BAIAP2L1: variants seen among roughly 807,000 people sequenced by gnomAD.
BAIAP2L1 encodes the protein BAR/IMD domain-containing adapter protein 2-like 1.
A neutral mutation model predicts 66.3 loss-of-function variants in BAIAP2L1; 35 were observed. The ratio of observed to expected loss-of-function variants is 0.53; its 90% CI spans 0.40 to 0.70. BAIAP2L1 has a LOEUF of 0.70. BAIAP2L1 is among the 30% of genes least tolerant of loss of function. The pLI, the probability that BAIAP2L1 is intolerant of heterozygous loss-of-function variation, is 0.00. For synonymous variants in BAIAP2L1, 269 were observed against 248.7 expected, an observed-to-expected ratio of 1.08 and a Z score of -0.77; for missense variants, 622 against 656.9, an observed-to-expected ratio of 0.95 and a Z score of 0.58.
chr7:98,385,844 T>C, intron 1 of BAIAP2L1: 1 of 1,521,188 alleles, frequency 6.6e-7, no homozygotes, highest in Non-Finnish European at 9.0e-7. Context: ...CGTTCAACTT[T>C]AGCACCTGTC....
At chr7:98,303,635 G>A (rs990608214) in intron 12 of BAIAP2L1, among the ~76,000 whole-genome samples, 1 of 152,222 alleles carries the variant, frequency 6.6e-6, no homozygotes, top group Non-Finnish European at 1.5e-5. Context: ...CCTCTGTGCG[G>A]TGGCGGGAAT....
Position 98,294,125 on chromosome 7 carries a change from A to G in BAIAP2L1, c.1423-14T>C, listed in dbSNP as rs200251950. On this transcript the variant is annotated splice_polypyrimidine_tract_variant and intron_variant, in intron 12 of 13. Coordinates refer to ENST00000005260, the MANE Select transcript of BAIAP2L1 (RefSeq NM_018842.5). Reference sequence around the variant, plus strand: ...GTTGGCATCGTTCTGTGAGAAAGATAAAGAAGTTTATGGAGGGCTTAGAAT... The same window carrying G: ...GTTGGCATCGTTCTGTGAGAAAGATGAAGAAGTTTATGGAGGGCTTAGAAT... 2.5e-5 allele frequency: 40 copies of G among 1,613,136 alleles called. No homozygotes were observed. The East Asian group carries it at 8.0e-4, about 32-fold the overall frequency.
chr7:98,391,771 T>G (rs1803051494), intron 1 of BAIAP2L1, among the ~76,000 whole-genome samples: 1 of 149,676 alleles, frequency 6.7e-6, no homozygotes, highest in African/African-American at 2.5e-5. Flanking sequence ...CCAGAAGGAC[T>G]CAAGGTTAGG....
At chr7:98,383,236 T>G (rs1443584329) in intron 1 of BAIAP2L1, among the ~76,000 whole-genome samples, 2 of 151,390 alleles carry the variant, frequency 1.3e-5, no homozygotes, top group African/African-American at 4.8e-5. Context: ...TCCTTCCTAT[T>G]CTAAGCTGCT....
chr7:98,295,007 G>T (rs1411311060), intron 12 of BAIAP2L1, among the ~76,000 whole-genome samples: 2 of 152,332 alleles, frequency 1.3e-5, no homozygotes, highest in East Asian at 3.9e-4. Flanking sequence ...CCCAGGAGAG[G>T]GCAGTGTAAC....
chr7:98,348,252 G>C (rs929388276), intron 3 of BAIAP2L1, among the ~76,000 whole-genome samples: 3 of 152,102 alleles, frequency 2.0e-5, no homozygotes, highest in Non-Finnish European at 4.4e-5. Flanking sequence ...TTGAACAACT[G>C]GTTCATGAAT....
chr7:98,385,965 A>G (rs1035095586), intron 1 of BAIAP2L1: 11 of 1,486,816 alleles, frequency 7.4e-6, no homozygotes, highest in Non-Finnish European at 1.0e-5. Context: ...CGAAGACATC[A>G]TGGAGAGGAT....
intron 3 of BAIAP2L1, among the ~76,000 whole-genome samples, chr7:98,327,089 G>A (rs148484345): frequency 0.02 from 2,999 of 152,248 alleles, 104 homozygotes; most frequent in African/African-American, 0.069. Flanking sequence ...GGCCAGGCGC[G>A]GTGGCTCATG....
At chr7:98,341,547 C>G (rs1369611221) in intron 3 of BAIAP2L1, among the ~76,000 whole-genome samples, 1 of 152,054 alleles carries the variant, frequency 6.6e-6, no homozygotes, top group Non-Finnish European at 1.5e-5. Flanking sequence ...TTTAAAAAAG[C>G]ACATCTTTTG....
rs572530322 is a variant in BAIAP2L1, at chr7:98,330,154, G to A, written c.215-9856C>T. Among the ~76,000 whole-genome samples, 4 of 152,182 alleles carry A rather than the reference G, an allele frequency of 2.6e-5. No individual in the cohort carries two copies. The South Asian group carries it at 8.3e-4, about 32-fold the overall frequency. On this transcript the variant is annotated intron_variant, in intron 3 of 13. Transcript: ENST00000005260. ...TAAAAGCAGCAAACATTACAGGCATGCTAAGAAAAAAAACCAGATTCAGAT... is the reference window on the plus strand; with the variant it reads ...TAAAAGCAGCAAACATTACAGGCATACTAAGAAAAAAAACCAGATTCAGAT...
rs537853800 is a variant in BAIAP2L1, at chr7:98,311,976, G to A, written c.807+121C>T. The A allele has an allele frequency of 5.2e-5, 54 of 1,041,278 alleles. No individual in the cohort carries two copies. The East Asian group carries it at 1.1e-3, about 20-fold the overall frequency. The allele number at this position is 1,041,278 out of a possible 1,614,324, so 64.5% of individuals were successfully genotyped here. A position where few individuals can be genotyped will look rare whatever the true frequency, so the allele number is the denominator to read the frequency against. ...CCTAAAGGTAAGGGGATAGAGGTGC[G>A]AAAAGGTGGTCCTGGAAGTAATAAA... On this transcript the variant is annotated intron_variant, in intron 8 of 13. Transcript: ENST00000005260.
intron 1 of BAIAP2L1, among the ~76,000 whole-genome samples, chr7:98,364,772 C>T (rs1239562961): frequency 6.6e-6 from 1 of 151,600 alleles, no homozygotes; most frequent in East Asian, 1.9e-4. Context: ...ACCACTTGAG[C>T]CCAGGAGTTT....
In BAIAP2L1 at chr7:98,315,614, TAAAA is replaced by T; in HGVS notation, c.487-6_487-3del. The T allele has an allele frequency of 7.8e-6, 6 of 772,408 alleles. No homozygotes were observed. The highest frequency in any genetic ancestry group is 2.0e-5 in the African/African-American group (1 of 51,186). 47.8% of individuals were successfully genotyped at this position (772,408 alleles called of 1,614,324 possible). A position where few individuals can be genotyped will look rare whatever the true frequency, so the allele number is the denominator to read the frequency against. ...ACGAGAAGTAACGGTCTCCACATACTAAAAAAAAAAAAATAATAATAATAATAAT... is the reference window on the plus strand; with the variant it reads ...ACGAGAAGTAACGGTCTCCACATACTAAAAAAAAATAATAATAATAATAAT... On this transcript the variant is annotated splice_polypyrimidine_tract_variant and splice_region_variant and intron_variant, in intron 6 of 13. Coordinates refer to ENST00000005260, the MANE Select transcript of BAIAP2L1 (RefSeq NM_018842.5).
chr7:98,345,155 A>G lies in BAIAP2L1; in HGVS notation c.214+9887T>C, dbSNP rs572574296. Among the ~76,000 whole-genome samples, 14 of 152,292 alleles carry G rather than the reference A, an allele frequency of 9.2e-5. No homozygotes were observed. In the South Asian group the frequency reaches 1.5e-3, roughly 16 times the overall value. Reference sequence around the variant, plus strand: ...TCTTTAAAGACACAAAAAAATTTACATCCGCAATAAAGAGGACAACCAGCC... The same window carrying G: ...TCTTTAAAGACACAAAAAAATTTACGTCCGCAATAAAGAGGACAACCAGCC... On this transcript the variant is annotated intron_variant, in intron 3 of 13. Transcript: ENST00000005260.
chr7:98,399,481 T>C (rs1185177254), intron 1 of BAIAP2L1, among the ~76,000 whole-genome samples: 1 of 152,128 alleles, frequency 6.6e-6, no homozygotes, highest in Non-Finnish European at 1.5e-5. Flanking sequence ...AAAAAGTCTA[T>C]CAAAATGACT....
rs571596548 is a variant in BAIAP2L1 at position 98,388,913 on chromosome 7, G to A, written c.51+11889C>T. ...CGCTTTAGCCTGGGACGTTGAGGCT[G>A]CAGTGAGCCATGATCACACCACTGC... On this transcript the variant is annotated intron_variant, in intron 1 of 13. Coordinates refer to ENST00000005260, the MANE Select transcript of BAIAP2L1 (RefSeq NM_018842.5). Among the ~76,000 whole-genome samples the A allele has an allele frequency of 7.9e-5, 12 of 151,774 alleles. No homozygotes were observed. In the East Asian group the frequency reaches 2.1e-3, roughly 27 times the overall value.
At chr7:98,360,099 T>A (rs978204241) in intron 2 of BAIAP2L1, among the ~76,000 whole-genome samples, 1 of 151,832 alleles carries the variant, frequency 6.6e-6, no homozygotes, top group Admixed American at 6.6e-5. Context: ...AATTTTGTAT[T>A]TTTAGTAGAG....
chr7:98,342,167 T>C (rs1801758049), intron 3 of BAIAP2L1, among the ~76,000 whole-genome samples: 1 of 150,204 alleles, frequency 6.7e-6, no homozygotes, highest in South Asian at 2.1e-4. Context: ...TTCTCATGCC[T>C]CAGCCTCCCA....
rs780811113 is a variant in BAIAP2L1, at chr7:98,317,279, C to A, written c.426G>T (p.Lys142Asn). The change falls in exon 6 of 14, where the codon AAG becomes AAT. Residue 142 changes from lysine to asparagine, a missense_variant. Physicochemically the swap from Lys to Asn is moderately conservative, Grantham distance 94. Transcript: ENST00000005260. ...SLEKSQAELK[K>N]IRRKSQGSRN... ...GGCTTCCTTGGCTTTTCCTTCTGAT[C>A]TTCTTCAACTCAGCTTGGGATTTCT... 1 of 1,614,032 alleles carries A rather than the reference C, an allele frequency of 6.2e-7. No individual in the cohort carries two copies. Among genetic ancestry groups the A allele is most frequent in the African/African-American group, 1.3e-5 (1 of 74,932 alleles).
Sources: gnomAD v4.1 joint callset for allele counts (sites outside exome capture counted in the v4.1 genomes callset) on GRCh38, gnomAD v4.1.1 for gene constraint, MANE v1.5 for transcripts, NCBI Gene and HGNC (gene_info 2026-07-23, HGNC 2026-07-21) for gene names.